The following ZNF729 variants were observed in gnomAD, a reference collection of about 807,000 sequenced individuals.
The protein encoded by ZNF729 is zinc finger protein 729.
Under a neutral mutation model 12.2 loss-of-function variants are expected in ZNF729, and 15 were observed. The ratio of observed to expected loss-of-function variants is 1.23; its 90% CI spans 0.82 to 1.89. The LOEUF (loss-of-function observed/expected upper bound fraction) is 1.89, where lower values mean the gene tolerates loss of function less well. Ranked by LOEUF, ZNF729 falls within the 40% of genes most tolerant of loss-of-function variation. The probability of loss-of-function intolerance (pLI) is 0.00; values close to 1 mark genes in which losing one functional copy is unlikely to be tolerated. For synonymous variants in ZNF729, 492 were observed against 476.3 expected (o/e 1.03, Z -0.43); for missense variants, 1,540 against 1,456.7 (o/e 1.06, Z -0.93).
chr19:22,312,186 T>A (rs1402777600), intron 3 of ZNF729, among the ~76,000 whole-genome samples: 2 of 152,184 alleles, frequency 1.3e-5, no homozygotes, highest in African/African-American at 4.8e-5. Context: ...TTATTTGAAA[T>A]TTTAAAAATT....
Position 22,286,443 on chromosome 19 carries a change from A to G in ZNF729, c.-83A>G, listed in dbSNP as rs1231171630. The G allele has an allele frequency of 1.9e-6, 3 of 1,552,272 alleles. No homozygotes were observed. Among genetic ancestry groups the G allele is most frequent in the South Asian group, 2.3e-5 (2 of 88,358 alleles). ...GGCCGTTGTTTCTGGTTGCAGCCGC[A>G]GTTCCCGGTCTCGCCTTCACTGCTG... On this transcript the variant is annotated 5_prime_UTR_variant, in exon 1 of 4. Coordinates refer to ENST00000601693, the MANE Select transcript of ZNF729 (RefSeq NM_001242680.2).
intron 1 of ZNF729, among the ~76,000 whole-genome samples, chr19:22,300,281 A>G (rs532489119): frequency 1.3e-5 from 2 of 152,302 alleles, no homozygotes; most frequent in South Asian, 4.1e-4. Context: ...ACATTTTTCT[A>G]CTTGTGAACT....
intron 1 of ZNF729, among the ~76,000 whole-genome samples, chr19:22,289,184 T>C (rs1968120684): frequency 6.6e-6 from 1 of 152,034 alleles, no homozygotes; most frequent in South Asian, 2.1e-4. Context: ...AGAGATGGAT[T>C]TCAGAATAAA....
At chr19:22,292,564 A>G (rs1158445742) in intron 1 of ZNF729, among the ~76,000 whole-genome samples, 1 of 151,994 alleles carries the variant, frequency 6.6e-6, no homozygotes, top group Non-Finnish European at 1.5e-5. Context: ...TCAGCCCCCA[A>G]GTAGCTGGGA....
At chr19:22,298,796 G>T (rs376773860) in intron 1 of ZNF729, among the ~76,000 whole-genome samples, 1 of 152,280 alleles carries the variant, frequency 6.6e-6, no homozygotes, top group East Asian at 1.9e-4. Flanking sequence ...TTACAGGCAT[G>T]AGCCACCATG....
In ZNF729 at chr19:22,309,160, T is replaced by C. The variant is rs564835447; in HGVS notation, c.253+4377T>C. Among the ~76,000 whole-genome samples the C allele has an allele frequency of 2.2e-3, 328 of 152,302 alleles. 1 individual carries two copies. Among genetic ancestry groups the C allele is most frequent in the Non-Finnish European group, 3.0e-3 (206 of 68,028 alleles). On this transcript the variant is annotated intron_variant, in intron 3 of 3. Transcript: ENST00000601693. ...CCAGCACCATTTGTTGAAAAGAGTATCCCTGGCCGGGTGCGGTGGCTCATG... is the reference window on the plus strand; with the variant it reads ...CCAGCACCATTTGTTGAAAAGAGTACCCCTGGCCGGGTGCGGTGGCTCATG...
intron 3 of ZNF729, among the ~76,000 whole-genome samples, chr19:22,308,888 A>C (rs1310671872): frequency 6.6e-6 from 1 of 152,048 alleles, no homozygotes; most frequent in East Asian, 1.9e-4. Context: ...CCGTTTTGAC[A>C]CTATTCCACA....
rs779089877 is a variant in ZNF729 at position 22,315,490 on chromosome 19, A to C, written c.2073A>C (p.Lys691Asn). 1.2e-6 allele frequency: 2 copies of C among 1,612,218 alleles called. No individual in the cohort carries two copies. Among genetic ancestry groups the C allele is most frequent in the Non-Finnish European group, 1.7e-6 (2 of 1,179,768 alleles). ...CGTACAAATGTGAAGAATGTGGCAA[A>C]GCTTTTAGCCATTTCTCAGCCCTTA... is the stretch of plus-strand genomic sequence containing the variant. ...KKPYKCEECG[K>N]AFSHFSALRR... is the part of the protein sequence containing the mutation. The change falls in exon 4 of 4, where the codon AAA becomes AAC. Residue 691 changes from lysine (K) to asparagine (N), a missense_variant. Physicochemically the swap from Lys to Asn is moderately conservative, Grantham distance 94 (BLOSUM62 0). Coordinates refer to ENST00000601693, the MANE Select transcript of ZNF729 (RefSeq NM_001242680.2).
At chr19:22,290,552 A>G (rs1968139465) in intron 1 of ZNF729, among the ~76,000 whole-genome samples, 1 of 152,150 alleles carries the variant, frequency 6.6e-6, no homozygotes. Flanking sequence ...GGGTGAAAGA[A>G]TGAGATTTTA....
intron 1 of ZNF729, among the ~76,000 whole-genome samples, chr19:22,298,163 A>G (rs920557668): frequency 1.3e-5 from 2 of 152,156 alleles, no homozygotes; most frequent in African/African-American, 4.8e-5. Flanking sequence ...GTGTTTGTAG[A>G]CAACCTGCAT....
At chr19:22,310,780 C>A (rs1968441389) in intron 3 of ZNF729, among the ~76,000 whole-genome samples, 1 of 152,152 alleles carries the variant, frequency 6.6e-6, no homozygotes. Flanking sequence ...GCTACCAATT[C>A]TTTGAATGTC....
intron 1 of ZNF729, among the ~76,000 whole-genome samples, chr19:22,289,504 T>C (rs1347618258): frequency 1.3e-5 from 2 of 152,124 alleles, no homozygotes; most frequent in Non-Finnish European, 2.9e-5. Flanking sequence ...GTATTACAGG[T>C]GTGAGCCACT....
chr19:22,293,470 G>C (rs1968182083), intron 1 of ZNF729, among the ~76,000 whole-genome samples: 1 of 145,752 alleles, frequency 6.9e-6, no homozygotes, highest in African/African-American at 2.6e-5. Flanking sequence ...ACAGGCGTGA[G>C]CCACCACTCC....
intron 3 of ZNF729, among the ~76,000 whole-genome samples, chr19:22,309,329 C>T (rs1037068090): frequency 2.2e-4 from 33 of 152,206 alleles, no homozygotes; most frequent in Middle Eastern, 3.4e-3. Context: ...CCTGTAATCC[C>T]AGCTACTCGG....
chr19:22,305,051 C>T (rs771568130), intron 3 of ZNF729, among the ~76,000 whole-genome samples: 2 of 152,178 alleles, frequency 1.3e-5, no homozygotes, highest in Admixed American at 6.5e-5. Context: ...AGGGACTGCA[C>T]AGTCTGACTG....
In ZNF729 at chr19:22,314,599, T is replaced by C; in HGVS notation, c.1182T>C (p.His394=). 6.2e-7 allele frequency: 1 copy of C among 1,611,862 alleles called. No homozygotes were observed. Among genetic ancestry groups the C allele is most frequent in the South Asian group, 1.1e-5 (1 of 91,044 alleles). ...AFKWSSKLTV[H]KVVHTGEKPY... ...AGTGGTCTTCAAAACTTACTGTACA[T>C]AAGGTAGTTCATACTGGAGAGAAAC... is the stretch of plus-strand genomic sequence containing the variant. Residue 394 remains histidine, a synonymous_variant, in exon 4 of 4, where the codon CAT becomes CAC. Coordinates refer to ENST00000601693, the MANE Select transcript of ZNF729 (RefSeq NM_001242680.2).
At chr19:22,288,311 G>GTTTT (rs79658308) in intron 1 of ZNF729, among the ~76,000 whole-genome samples, 1 of 124,886 alleles carries the variant, frequency 8.0e-6, no homozygotes, top group Non-Finnish European at 1.8e-5. Flanking sequence ...TCTTTGTACT[G>GTTTT]TTTTTTTTTT....
At chr19:22,309,242 C>T (rs1176783030) in intron 3 of ZNF729, among the ~76,000 whole-genome samples, 10 of 152,010 alleles carry the variant, frequency 6.6e-5, no homozygotes, top group Admixed American at 2.6e-4. Flanking sequence ...GTCAGGAGTT[C>T]GAGACCAGGC....
intron 3 of ZNF729, among the ~76,000 whole-genome samples, chr19:22,309,036 A>C (rs1968418680): frequency 6.6e-6 from 1 of 152,228 alleles, no homozygotes; most frequent in Non-Finnish European, 1.5e-5. Flanking sequence ...TTATAGTTTC[A>C]GGTCTTAGAT....
Sources: allele counts gnomAD v4.1 joint callset (sites outside exome capture counted in the v4.1 genomes callset), GRCh38; gene constraint gnomAD v4.1.1; transcripts MANE v1.5; gene names NCBI Gene and HGNC (gene_info 2026-07-23, HGNC 2026-07-21).